ASH2L: variants seen among roughly 807,000 people sequenced by gnomAD.
ASH2L encodes the protein set1/Ash2 histone methyltransferase complex subunit ASH2.
ASH2L carries 30 observed loss-of-function variants against 81.1 expected under a neutral mutation model. The ratio of observed to expected loss-of-function variants is 0.37; its 90% CI spans 0.28 to 0.50. The LOEUF (loss-of-function observed/expected upper bound fraction) is 0.50, where lower values mean the gene tolerates loss of function less well. ASH2L is among the 20% of genes least tolerant of loss of function. The probability of loss-of-function intolerance (pLI) is 0.95; values close to 1 mark genes in which losing one functional copy is unlikely to be tolerated. For missense variants in ASH2L, 559 were observed against 792.1 expected, an observed-to-expected ratio of 0.71 and a Z score of 3.53; for synonymous variants, 273 against 279.9, an observed-to-expected ratio of 0.98 and a Z score of 0.24.
At chr8:38,120,624 C>T (rs1363876344) in intron 9 of ASH2L, among the ~76,000 whole-genome samples, 1 of 27,676 alleles carries the variant, frequency 3.6e-5, no homozygotes, top group South Asian at 2.8e-3. Context: ...CCCTTCCCCC[C>T]CCCCCCCCCC....
chr8:38,137,768 C>CT (rs1802323015), intron 14 of ASH2L: 1 of 150,034 alleles, frequency 6.7e-6, no homozygotes, highest in Non-Finnish European at 1.5e-5. Flanking sequence ...TTTCCATGTA[C>CT]TTTTAGTCTG....
rs976717676 is a variant in ASH2L at position 38,139,542 on chromosome 8, T to C, written c.*471T>C. The C allele has an allele frequency of 3.9e-5, 6 of 153,138 alleles. No homozygotes were observed. The highest frequency in any genetic ancestry group is 1.4e-4 in the African/African-American group (6 of 41,464). The allele number at this position is 153,138 out of a possible 1,614,324, so 9.5% of individuals were successfully genotyped here. On this transcript the variant is annotated 3_prime_UTR_variant, in exon 16 of 16. Transcript: ENST00000343823. ...ACATTCCAAACCAATCTAAACGCTA[T>C]TTCCTTTTGGTGTGGGTTTGGTTTT... is the stretch of plus-strand genomic sequence containing the variant.
chr8:38,117,111 G>T (rs1245467126), intron 8 of ASH2L, among the ~76,000 whole-genome samples: 1 of 152,034 alleles, frequency 6.6e-6, no homozygotes, highest in Non-Finnish European at 1.5e-5. Flanking sequence ...AATTTTTCTT[G>T]CCCTGAAACT....
intron 12 of ASH2L, among the ~76,000 whole-genome samples, chr8:38,131,780 G>A (rs1204036323): frequency 6.6e-6 from 1 of 151,494 alleles, no homozygotes; most frequent in Non-Finnish European, 1.5e-5. Context: ...AACTCAAGAT[G>A]CAAGACAAAA....
intron 14 of ASH2L, among the ~76,000 whole-genome samples, chr8:38,136,214 G>A (rs1563263339): frequency 6.8e-6 from 1 of 147,980 alleles, no homozygotes; most frequent in Non-Finnish European, 1.5e-5. Flanking sequence ...AGCCTCCTGA[G>A]TAGGTGGGGT....
At chr8:38,131,164 C>T (rs1802045610) in intron 12 of ASH2L, among the ~76,000 whole-genome samples, 1 of 152,034 alleles carries the variant, frequency 6.6e-6, no homozygotes, top group Non-Finnish European at 1.5e-5. Context: ...AATAAGCAGC[C>T]TACAGTCTCA....
intron 4 of ASH2L, 42 bp downstream of exon 4, chr8:38,110,509 G>A: frequency 6.4e-7 from 1 of 1,566,384 alleles, no homozygotes; most frequent in Non-Finnish European, 8.8e-7. Context: ...ATTATCCACT[G>A]GAAAAGAAAA....
At chr8:38,115,088 A>G (rs1412230875) in intron 7 of ASH2L, 88 bp downstream of exon 7, 16 of 834,894 alleles carry the variant, frequency 1.9e-5, no homozygotes, top group Non-Finnish European at 2.8e-5. Flanking sequence ...TATATTTGCC[A>G]CATAACACAC....
intron 14 of ASH2L, among the ~76,000 whole-genome samples, 177 bp downstream of exon 14, chr8:38,135,943 C>T (rs1802232963): frequency 6.6e-6 from 1 of 151,996 alleles, no homozygotes; most frequent in Non-Finnish European, 1.5e-5. Flanking sequence ...GGAGTATTTG[C>T]TGGATAGAAA....
chr8:38,134,245 C>CT (rs1034977117), intron 13 of ASH2L, among the ~76,000 whole-genome samples: 3 of 151,972 alleles, frequency 2.0e-5, no homozygotes, highest in Admixed American at 2.0e-4. Context: ...TGTTTGTATG[C>CT]TGACCTTCCC....
chr8:38,123,319 T>G (rs2130532802), intron 10 of ASH2L: 1 of 151,816 alleles, frequency 6.6e-6, no homozygotes, highest in South Asian at 2.1e-4. Context: ...CTCTGGACCT[T>G]GTGATCTGCC....
chr8:38,126,003 A>G (rs1022863178), intron 10 of ASH2L, among the ~76,000 whole-genome samples: 5 of 152,114 alleles, frequency 3.3e-5, no homozygotes, highest in African/African-American at 1.2e-4. Flanking sequence ...CAGGAGTTTG[A>G]TACCAGCCTG....
chr8:38,128,371 G>T lies in ASH2L; in HGVS notation c.1246G>T (p.Val416Leu). 1 of 1,614,162 alleles carries T rather than the reference G, an allele frequency of 6.2e-7. No individual in the cohort carries two copies. The highest frequency in any genetic ancestry group is 8.5e-7 in the Non-Finnish European group (1 of 1,180,018). ...CTCTATGGTGAGGGCCTCTCATGGAGTACGGAAAGGTGCCTGGTATTTTGA... is the reference window on the plus strand; with the variant it reads ...CTCTATGGTGAGGGCCTCTCATGGATTACGGAAAGGTGCCTGGTATTTTGA... ...GYSMVRASHG[V>L]RKGAWYFEIT... The change falls in exon 11 of 16, where the codon GTA becomes TTA. Residue 416 changes from valine (V) to leucine (L), a missense_variant. Around this residue, in one of 4 missense-constraint regions of ASH2L, gnomAD observed 318 missense variants for 527.0 expected, o/e 0.60. Coordinates refer to ENST00000343823, the MANE Select transcript of ASH2L (RefSeq NM_004674.5).
chr8:38,111,590 G>A (rs1178954003), intron 5 of ASH2L, among the ~76,000 whole-genome samples: 7 of 151,380 alleles, frequency 4.6e-5, no homozygotes, highest in South Asian at 4.2e-4. Context: ...GTTTCGCCAC[G>A]TTGCCCAGGC....
chr8:38,116,178 A>G (rs1236853763), intron 7 of ASH2L, among the ~76,000 whole-genome samples: 1 of 152,204 alleles, frequency 6.6e-6, no homozygotes, highest in Non-Finnish European at 1.5e-5. Flanking sequence ...AGCCTAGCCA[A>G]CATGGTGAAA....
At chr8:38,116,871 C>G (rs1034912541) in intron 8 of ASH2L, 146 bp downstream of exon 8, 1 of 671,072 alleles carries the variant, frequency 1.5e-6, no homozygotes, top group Non-Finnish European at 2.5e-6. Flanking sequence ...TAGGAACTAG[C>G]CAAGGATTTG....
chr8:38,121,388 A>G (rs1315847307), intron 10 of ASH2L, among the ~76,000 whole-genome samples: 5 of 118,794 alleles, frequency 4.2e-5, no homozygotes, highest in Non-Finnish European at 6.8e-5. Flanking sequence ...TGGTTTTTTA[A>G]AACTTTCTAT....
chr8:38,121,152 A>G lies in ASH2L; in HGVS notation c.1165+3A>G. 2 of 1,611,936 alleles carry G rather than the reference A, an allele frequency of 1.2e-6. No individual in the cohort carries two copies. Among genetic ancestry groups the G allele is most frequent in the South Asian group, 1.1e-5 (1 of 90,990 alleles). The stretch of plus-strand genomic sequence containing the variant: ...TTTGTTAGCCCTACATGATCGAGGT[A>G]TGTAAAGTATTGGAGATCATATGGA... On this transcript the variant is annotated splice_donor_region_variant and intron_variant, in intron 10 of 15. Transcript: ENST00000343823.
chr8:38,107,069 G>A lies in ASH2L; in HGVS notation c.304G>A (p.Val102Met), dbSNP rs1335796920. The A allele has an allele frequency of 1.2e-6, 2 of 1,614,004 alleles. No individual in the cohort carries two copies. The highest frequency in any genetic ancestry group is 2.2e-5 in the East Asian group (1 of 44,884). ...GGTGATGGATACTCAGGCGGGCTCC[G>A]TGGATGAAGAGAATGGCCGACAGTT... ...SEVMDTQAGS[V>M]DEENGRQLGE... The change falls in exon 3 of 16, where the codon GTG becomes ATG. Residue 102 changes from valine to methionine, a missense_variant. Around this residue, in one of 4 missense-constraint regions of ASH2L, gnomAD observed 318 missense variants for 527.0 expected, o/e 0.60. Transcript: ENST00000343823.
Sources: gnomAD v4.1 joint callset for allele counts (sites outside exome capture counted in the v4.1 genomes callset) on GRCh38, gnomAD v4.1.1 for gene constraint, gnomAD v4.1.1 regional missense constraint, MANE v1.5 for transcripts, NCBI Gene and HGNC (gene_info 2026-07-23, HGNC 2026-07-21) for gene names.